GALNT13: variants seen among roughly 807,000 people sequenced by gnomAD.
The protein encoded by GALNT13 is UDP-GalNAc:polypeptide N-acetylgalactosaminyltransferase 13.
In GALNT13, 28 loss-of-function variants were observed where a neutral mutation model predicts 64.2. That is an observed-to-expected ratio of 0.44 (90% CI 0.32 to 0.60). The LOEUF (loss-of-function observed/expected upper bound fraction) is 0.60, where lower values mean the gene tolerates loss of function less well. Among genes scored for constraint, GALNT13 ranks in the 20% least tolerant of loss-of-function variants. The probability of loss-of-function intolerance (pLI) is 0.05; values close to 1 mark genes in which losing one functional copy is unlikely to be tolerated. For missense variants in GALNT13, 577 were observed against 669.8 expected (o/e 0.86, Z 1.53); for synonymous variants, 214 against 224.6 (o/e 0.95, Z 0.42).
the GALNT13 span, among the ~76,000 whole-genome samples, chr2:153,244,890 T>A: frequency 2.6e-5 from 4 of 152,302 alleles, no homozygotes; most frequent in African/African-American, 9.6e-5. Flanking sequence ...CTTGAAATTC[T>A]CACTGCCAGC....
chr2:154,119,218 C>T (rs991594475), intron 3 of GALNT13, among the ~76,000 whole-genome samples: 62 of 152,096 alleles, frequency 4.1e-4, no homozygotes, highest in African/African-American at 1.4e-3. Flanking sequence ...TCCTCATTCG[C>T]AGTTTTCTTT....
At chr2:154,297,760 A>G (rs1693010536) in intron 8 of GALNT13, among the ~76,000 whole-genome samples, 1 of 152,206 alleles carries the variant, frequency 6.6e-6, no homozygotes, top group Admixed American at 6.5e-5. Flanking sequence ...CATACAGATG[A>G]TGAAAGAAAT....
chr2:153,256,040 T>C, the GALNT13 span, among the ~76,000 whole-genome samples: 3 of 152,222 alleles, frequency 2.0e-5, no homozygotes, highest in Non-Finnish European at 4.4e-5. Context: ...GAAGTTCTCC[T>C]GCATAATATC....
chr2:154,048,193 T>G (rs976145012), intron 3 of GALNT13, among the ~76,000 whole-genome samples: 1 of 152,154 alleles, frequency 6.6e-6, no homozygotes, highest in Non-Finnish European at 1.5e-5. Context: ...GATCTCATGC[T>G]AACTCACTAT....
the GALNT13 span, among the ~76,000 whole-genome samples, chr2:153,071,316 G>A: frequency 6.6e-6 from 1 of 152,146 alleles, no homozygotes; most frequent in Non-Finnish European, 1.5e-5. Flanking sequence ...ATAATATAAA[G>A]TTTATGCCTT....
At chr2:153,841,754 T>A in the GALNT13 span, among the ~76,000 whole-genome samples, 2 of 152,210 alleles carry the variant, frequency 1.3e-5, no homozygotes, top group Non-Finnish European at 2.9e-5. Flanking sequence ...ATCTCAAGTT[T>A]AATGTATAAC....
chr2:154,372,378 A>AT, intron 9 of GALNT13, among the ~76,000 whole-genome samples: 1 of 152,116 alleles, frequency 6.6e-6, no homozygotes, highest in Non-Finnish European at 1.5e-5. Flanking sequence ...GCGGCTGCAA[A>AT]TTTTTCCTAA....
At chr2:154,385,915 T>G (rs1698492477) in intron 9 of GALNT13, among the ~76,000 whole-genome samples, 1 of 152,072 alleles carries the variant, frequency 6.6e-6, no homozygotes, top group Non-Finnish European at 1.5e-5. Flanking sequence ...CAGCTTTTCC[T>G]GCTTCTGAGT....
chr2:153,108,776 GT>G, the GALNT13 span, among the ~76,000 whole-genome samples: 2 of 152,066 alleles, frequency 1.3e-5, no homozygotes, highest in Non-Finnish European at 2.9e-5. Context: ...AAAAAGTCAA[GT>G]TTTATTAACT....
At chr2:153,376,256 A>G in the GALNT13 span, among the ~76,000 whole-genome samples, 1 of 152,164 alleles carries the variant, frequency 6.6e-6, no homozygotes, top group African/African-American at 2.4e-5. Context: ...AAGATATGAT[A>G]ATGGTTAGAA....
chr2:154,169,150 A>G (rs1685211385), intron 4 of GALNT13, among the ~76,000 whole-genome samples: 1 of 152,104 alleles, frequency 6.6e-6, no homozygotes, highest in South Asian at 2.1e-4. Flanking sequence ...ATCATGAGGG[A>G]TCCATCCCCA....
At chr2:153,505,278 A>G in the GALNT13 span, among the ~76,000 whole-genome samples, 13 of 151,960 alleles carry the variant, frequency 8.6e-5, no homozygotes, top group African/African-American at 2.7e-4. Flanking sequence ...TTCTTGTTTA[A>G]TCTCACTAAT....
intron 3 of GALNT13, among the ~76,000 whole-genome samples, chr2:154,097,653 A>G (rs1261019522): frequency 6.6e-6 from 1 of 151,816 alleles, no homozygotes. Context: ...AATAACCATT[A>G]GACTCTGAAA....
chr2:153,899,325 G>C (rs992540977), intron 1 of GALNT13, among the ~76,000 whole-genome samples: 4 of 152,138 alleles, frequency 2.6e-5, no homozygotes, highest in African/African-American at 9.7e-5. Flanking sequence ...CAGTCTTCTT[G>C]TCTATGAGGA....
the GALNT13 span, among the ~76,000 whole-genome samples, chr2:153,807,423 T>C: frequency 6.6e-6 from 1 of 151,944 alleles, no homozygotes; most frequent in African/African-American, 2.4e-5. Context: ...CTCATCCTTT[T>C]GAATGGCCAT....
At chr2:153,101,056 T>A in the GALNT13 span, among the ~76,000 whole-genome samples, 1,799 of 152,120 alleles carry the variant, frequency 0.012, 27 homozygotes, top group Admixed American at 0.029. Context: ...AAACCAAAAA[T>A]CTAATATCTA....
chr2:153,431,223 A>G, the GALNT13 span, among the ~76,000 whole-genome samples: 3 of 151,464 alleles, frequency 2.0e-5, no homozygotes, highest in South Asian at 6.2e-4. Flanking sequence ...TACTGATGTT[A>G]TAGTTGCCTA....
At chr2:153,825,101 G>A in the GALNT13 span, among the ~76,000 whole-genome samples, 1 of 152,096 alleles carries the variant, frequency 6.6e-6, no homozygotes, top group African/African-American at 2.4e-5. Context: ...GCTAATCTAG[G>A]TATTGCTGTG....
At chr2:154,158,319 C>T (rs1684542146) in intron 4 of GALNT13, among the ~76,000 whole-genome samples, 1 of 152,122 alleles carries the variant, frequency 6.6e-6, no homozygotes, top group Non-Finnish European at 1.5e-5. Flanking sequence ...AGTCTCATTG[C>T]ACCATCTCTT....
Sources: gnomAD v4.1 joint callset for allele counts (sites outside exome capture counted in the v4.1 genomes callset) on GRCh38, gnomAD v4.1.1 for gene constraint, MANE v1.5 for transcripts, NCBI Gene and HGNC (gene_info 2026-07-23, HGNC 2026-07-21) for gene names.